Variants in CRYL1 observed in about 807,000 individuals in gnomAD.
CRYL1 encodes lambda-crystallin homolog.
Under a neutral mutation model 36.6 loss-of-function variants are expected in CRYL1, and 29 were observed. That is an observed-to-expected ratio of 0.79 (90% confidence interval 0.59 to 1.08). CRYL1 has a LOEUF of 1.08. Ranked by LOEUF, CRYL1 falls within the 50% of genes least tolerant of loss-of-function variation. The pLI, the probability that CRYL1 is intolerant of heterozygous loss-of-function variation, is 0.00. For missense variants in CRYL1, 411 were observed against 407.9 expected, an observed-to-expected ratio of 1.01 and a Z score of -0.06; for synonymous variants, 152 against 151.5, an observed-to-expected ratio of 1.00 and a Z score of -0.02.
chr13:20,465,581 G>A (rs1466694885), intron 3 of CRYL1, among the ~76,000 whole-genome samples: 1 of 152,134 alleles, frequency 6.6e-6, no homozygotes, highest in Non-Finnish European at 1.5e-5. Context: ...TTAATCCTGA[G>A]CAAGGGTAAG....
chr13:20,454,099 C>T (rs765304029), intron 3 of CRYL1, among the ~76,000 whole-genome samples: 13 of 152,148 alleles, frequency 8.5e-5, no homozygotes, highest in Non-Finnish European at 1.8e-4. Flanking sequence ...TTTACAATCT[C>T]TTTCAGAAAA....
chr13:20,420,749 G>T (rs1400547768), intron 5 of CRYL1, among the ~76,000 whole-genome samples: 19 of 117,482 alleles, frequency 1.6e-4, no homozygotes, highest in Middle Eastern at 5.7e-3. Flanking sequence ...GTGTGTGTGT[G>T]TTTTGAGACA....
At chr13:20,518,607 A>G (rs1180629386) in intron 1 of CRYL1, among the ~76,000 whole-genome samples, 1 of 152,152 alleles carries the variant, frequency 6.6e-6, no homozygotes, top group Non-Finnish European at 1.5e-5. Flanking sequence ...AAGGTTTTAG[A>G]CAAAAGATAT....
intron 3 of CRYL1, among the ~76,000 whole-genome samples, chr13:20,486,797 A>G (rs578234560): frequency 5.3e-5 from 8 of 152,314 alleles, no homozygotes; most frequent in African/African-American, 1.9e-4. Context: ...CCAACCATGT[A>G]CAGAACGCCA....
At chr13:20,518,497 T>C (rs905163288) in intron 1 of CRYL1, among the ~76,000 whole-genome samples, 5 of 151,706 alleles carry the variant, frequency 3.3e-5, no homozygotes, top group African/African-American at 9.7e-5. Flanking sequence ...GAGGGGACAA[T>C]GAGGTCAAAG....
At chr13:20,514,415 C>T (rs61955509) in intron 1 of CRYL1, among the ~76,000 whole-genome samples, 5,876 of 152,258 alleles carry the variant, frequency 0.039, 191 homozygotes, top group South Asian at 0.13. Flanking sequence ...CAAATCCTAA[C>T]GGAGGGACAT....
intron 6 of CRYL1, chr13:20,406,180 C>T (rs1279793390): frequency 1.3e-5 from 2 of 152,126 alleles, no homozygotes; most frequent in Non-Finnish European, 2.9e-5. Context: ...CAGAGCCTGC[C>T]CCAGCTCAGC....
chr13:20,432,968 T>C (rs916775322), intron 4 of CRYL1, among the ~76,000 whole-genome samples: 3 of 152,160 alleles, frequency 2.0e-5, no homozygotes, highest in African/African-American at 4.8e-5. Flanking sequence ...CAGTGAGCCA[T>C]GATTGTGCCA....
intron 3 of CRYL1, among the ~76,000 whole-genome samples, chr13:20,470,511 C>A (rs142192796): frequency 0.014 from 2,130 of 152,238 alleles, 159 homozygotes; most frequent in Admixed American, 0.12. Flanking sequence ...CATTGTTTTC[C>A]CTAACAACAG....
At chr13:20,419,685 T>C (rs528012393) in intron 5 of CRYL1, among the ~76,000 whole-genome samples, 2 of 152,308 alleles carry the variant, frequency 1.3e-5, no homozygotes, top group African/African-American at 4.8e-5. Context: ...AGTGCTGAGA[T>C]TACAGGTGTG....
chr13:20,437,985 CCAAAG>C (rs2032268968), intron 4 of CRYL1, among the ~76,000 whole-genome samples: 1 of 152,098 alleles, frequency 6.6e-6, no homozygotes, highest in African/African-American at 2.4e-5. Context: ...GTATATGTCA[CCAAAG>C]CAAAGGCACG....
rs2033022853 is a variant in CRYL1 at position 20,470,089 on chromosome 13, C to A, written c.276+19281G>T. On this transcript the variant is annotated intron_variant, in intron 3 of 7. Coordinates refer to ENST00000298248, the MANE Select transcript of CRYL1 (RefSeq NM_015974.3). ...CCGTCCTCCCTGCAAAGCAGGCTTT[C>A]TTCTTCCTCAAATATCCCAAGACCA... 3.3e-5 allele frequency among the ~76,000 whole-genome samples: 5 copies of A among 152,316 alleles called. 1 individual carries two copies. In the South Asian group the frequency reaches 1.0e-3, roughly 32 times the overall value.
At chr13:20,446,076 A>AGT (rs2032446314) in intron 3 of CRYL1, among the ~76,000 whole-genome samples, 1 of 152,200 alleles carries the variant, frequency 6.6e-6, no homozygotes, top group Non-Finnish European at 1.5e-5. Context: ...TTTAAAACCC[A>AGT]AAATAGTTTT....
chr13:20,414,255 T>TG (rs1555226015), intron 5 of CRYL1, among the ~76,000 whole-genome samples: 1,941 of 151,268 alleles, frequency 0.013, 103 homozygotes, highest in Admixed American at 0.092. Context: ...AAGAGATTTT[T>TG]TGTGTGTGTG....
At chr13:20,447,441 A>G (rs994057024) in intron 3 of CRYL1, among the ~76,000 whole-genome samples, 2 of 152,120 alleles carry the variant, frequency 1.3e-5, no homozygotes, top group African/African-American at 2.4e-5. Flanking sequence ...AGGGAGAGCC[A>G]GGAGCACTGA....
intron 3 of CRYL1, among the ~76,000 whole-genome samples, chr13:20,474,285 G>A (rs4770039): frequency 0.58 from 88,677 of 152,020 alleles, 27,103 homozygotes; most frequent in South Asian, 0.75. Flanking sequence ...GGAAACCTCC[G>A]GTCCGGGACC....
intron 3 of CRYL1, among the ~76,000 whole-genome samples, chr13:20,455,017 T>G (rs998143663): frequency 2.6e-5 from 4 of 152,170 alleles, no homozygotes; most frequent in Non-Finnish European, 5.9e-5. Context: ...TCTATTCACA[T>G]AAGACATAAA....
chr13:20,525,120 G>A lies in CRYL1; in HGVS notation c.41+634C>T, dbSNP rs987584410. Among the ~76,000 whole-genome samples, 7 of 152,234 alleles carry A rather than the reference G, an allele frequency of 4.6e-5. No individual in the cohort carries two copies. ...TTAAGCTGTTAAATGGACACACTTA[G>A]CAAACTCTCTGGGCTCCATCGGCCC... On this transcript the variant is annotated intron_variant, in intron 1 of 7. Transcript: ENST00000298248. The surrounding 1 kb of genome is among the most constrained non-coding windows in gnomAD (Gnocchi z 4.3).
intron 5 of CRYL1, chr13:20,430,172 G>A (rs1035015624): frequency 4.8e-5 from 47 of 983,680 alleles, no homozygotes; most frequent in Non-Finnish European, 5.4e-5. Flanking sequence ...CCCACTACCT[G>A]TAGATAATCC....
Sources: allele counts gnomAD v4.1 joint callset (sites outside exome capture counted in the v4.1 genomes callset), GRCh38; gene constraint gnomAD v4.1.1; non-coding constraint Gnocchi (gnomAD v3.1); transcripts MANE v1.5; gene names NCBI Gene and HGNC (gene_info 2026-07-23, HGNC 2026-07-21).